GOT1: variants seen among roughly 807,000 people sequenced by gnomAD.
The protein encoded by GOT1 is glutamic-oxaloacetic transaminase 1.
Under a neutral mutation model 48.2 loss-of-function variants are expected in GOT1, and 25 were observed. That is an observed-to-expected ratio of 0.52 (90% CI 0.38 to 0.72). The LOEUF (loss-of-function observed/expected upper bound fraction) is 0.72. Ranked by LOEUF, GOT1 falls within the 30% of genes least tolerant of loss-of-function variation. The pLI is 0.00. For missense variants in GOT1, 380 were observed against 520.1 expected (o/e 0.73, Z 2.62); for synonymous variants, 188 against 193.8 (o/e 0.97, Z 0.25).
intron 2 of GOT1, among the ~76,000 whole-genome samples, chr10:99,408,455 G>A (rs1564970753): frequency 2.0e-5 from 3 of 152,198 alleles, no homozygotes; most frequent in African/African-American, 4.8e-5. Context: ...AGTGGCTCAC[G>A]CCTGTAATCC....
chr10:99,407,542 C>T (rs894151675), intron 2 of GOT1, among the ~76,000 whole-genome samples: 34 of 151,914 alleles, frequency 2.2e-4, no homozygotes, highest in Admixed American at 6.5e-4. Context: ...AAGTGATTCT[C>T]CTGCCTCAGC....
intron 3 of GOT1, 102 bp downstream of exon 3, chr10:99,406,624 T>C: frequency 1.7e-6 from 2 of 1,168,604 alleles, no homozygotes; most frequent in Non-Finnish European, 2.5e-6. Flanking sequence ...CAACAGTCAG[T>C]TGTTCTAGGG....
intron 2 of GOT1, among the ~76,000 whole-genome samples, chr10:99,419,373 T>A (rs913964496): frequency 6.6e-6 from 1 of 152,200 alleles, no homozygotes; most frequent in South Asian, 2.1e-4. Context: ...GTAACTCCTC[T>A]GCTCCAACCT....
Position 99,402,561 on chromosome 10 carries a change from G to A in GOT1, c.1102+19C>T. 1.2e-6 allele frequency: 2 copies of A among 1,613,822 alleles called. No individual in the cohort carries two copies. Among genetic ancestry groups the A allele is most frequent in the South Asian group, 1.1e-5 (1 of 91,070 alleles). Reference sequence around the variant, plus strand: ...TGTCTACATGCACGCATGGGCTGGAGGTGGTGGGGGCCACTTACGGTTCAA... The same window carrying A: ...TGTCTACATGCACGCATGGGCTGGAAGTGGTGGGGGCCACTTACGGTTCAA... On this transcript the variant is annotated intron_variant, in intron 8 of 8. Coordinates refer to ENST00000370508, the MANE Select transcript of GOT1 (RefSeq NM_002079.3).
In GOT1 at chr10:99,403,647, A is replaced by T; in HGVS notation, c.794-13T>A. On this transcript the variant is annotated splice_polypyrimidine_tract_variant and intron_variant, in intron 6 of 8. Coordinates refer to ENST00000370508, the MANE Select transcript of GOT1 (RefSeq NM_002079.3). ...CCGACTCTCTCATCTAAAGAGAGGG[A>T]CCAGAATCAGCTGTGGCTGCTGAAG... 1 of 1,614,002 alleles carries T rather than the reference A, an allele frequency of 6.2e-7. No individual in the cohort carries two copies. The highest frequency in any genetic ancestry group is 8.5e-7 in the Non-Finnish European group (1 of 1,179,862).
In GOT1 at chr10:99,409,118, G is replaced by GT. The variant is rs1230553613; in HGVS notation, c.301-2270dup. Among the ~76,000 whole-genome samples, 11 of 149,426 alleles carry GT rather than the reference G, an allele frequency of 7.4e-5. No individual in the cohort carries two copies. In the East Asian group the frequency reaches 2.1e-3, roughly 29 times the overall value. On this transcript the variant is annotated intron_variant, in intron 2 of 8. Transcript: ENST00000370508. Reference sequence around the variant, plus strand: ...ATTTGAAATGTTCCATAATAAAAAGGTTTTTTTTGTGTTTTTTTTTTGTTT... The same window carrying GT: ...ATTTGAAATGTTCCATAATAAAAAGGTTTTTTTTTGTGTTTTTTTTTTGTTT...
chr10:99,419,004 T>A (rs1260405206), intron 2 of GOT1, among the ~76,000 whole-genome samples: 1 of 152,244 alleles, frequency 6.6e-6, no homozygotes, highest in African/African-American at 2.4e-5. Context: ...TGCCTAATCA[T>A]GGACCTGAGT....
Position 99,411,473 on chromosome 10 carries a change from A to T in GOT1, c.301-4624T>A, listed in dbSNP as rs76080056. On this transcript the variant is annotated intron_variant, in intron 2 of 8. Coordinates refer to ENST00000370508, the MANE Select transcript of GOT1 (RefSeq NM_002079.3). ...TTACTGTTGGTTTACTTGTTCACTCATTCTTTCATTTATGTCTCGTCTTTA... is the reference window on the plus strand; with the variant it reads ...TTACTGTTGGTTTACTTGTTCACTCTTTCTTTCATTTATGTCTCGTCTTTA... Among the ~76,000 whole-genome samples the T allele has an allele frequency of 4.9e-3, 746 of 152,338 alleles. 9 individuals are homozygous for T. Among genetic ancestry groups the T allele is most frequent in the African/African-American group, 0.017 (719 of 41,574 alleles).
At chr10:99,426,582 G>A (rs928190780) in intron 1 of GOT1, among the ~76,000 whole-genome samples, 4 of 152,186 alleles carry the variant, frequency 2.6e-5, no homozygotes, top group African/African-American at 9.7e-5. Flanking sequence ...AAAATGGACT[G>A]GAGTCTTTGA....
intron 1 of GOT1, among the ~76,000 whole-genome samples, chr10:99,429,390 A>G (rs1471325991): frequency 6.6e-6 from 1 of 151,334 alleles, no homozygotes; most frequent in Non-Finnish European, 1.5e-5. Context: ...GCACAGACAA[A>G]ACGTTATCTA....
chr10:99,405,240 C>A (rs2032739228), intron 5 of GOT1, among the ~76,000 whole-genome samples: 1 of 152,062 alleles, frequency 6.6e-6, no homozygotes, highest in African/African-American at 2.4e-5. Context: ...TAGGAATTCC[C>A]ACCTAGAAAG....
At chr10:99,414,014 A>G (rs1484253930) in intron 2 of GOT1, among the ~76,000 whole-genome samples, 1 of 152,232 alleles carries the variant, frequency 6.6e-6, no homozygotes, top group Non-Finnish European at 1.5e-5. Context: ...CATCGAGGCT[A>G]GGAAGAAACT....
intron 2 of GOT1, among the ~76,000 whole-genome samples, chr10:99,417,508 G>A (rs2032911199): frequency 1.3e-5 from 2 of 152,188 alleles, no homozygotes; most frequent in African/African-American, 2.4e-5. Context: ...CAACCGTTGT[G>A]GAAGATAGTG....
chr10:99,400,685 A>G (rs964581005), intron 8 of GOT1, among the ~76,000 whole-genome samples: 19 of 152,228 alleles, frequency 1.2e-4, no homozygotes, highest in African/African-American at 4.3e-4. Context: ...TCACGCCTGT[A>G]ATCCCAGCAC....
chr10:99,428,048 C>T (rs1335701789), intron 1 of GOT1, among the ~76,000 whole-genome samples: 1 of 152,182 alleles, frequency 6.6e-6, no homozygotes, highest in African/African-American at 2.4e-5. Context: ...ATTCTGAGTC[C>T]ATTGCTTCTG....
At chr10:99,419,544 C>T (rs1039067879) in intron 2 of GOT1, among the ~76,000 whole-genome samples, 1 of 152,096 alleles carries the variant, frequency 6.6e-6, no homozygotes, top group Non-Finnish European at 1.5e-5. Flanking sequence ...CTTCCTCTTG[C>T]CCCTCTTCCA....
In GOT1 at chr10:99,430,221, C is replaced by G. The variant is rs779080282; in HGVS notation, c.118+227G>C. On this transcript the variant is annotated intron_variant, in intron 1 of 8. Coordinates refer to ENST00000370508, the MANE Select transcript of GOT1 (RefSeq NM_002079.3). ...CTGAGTTTGTGTCTTGGCTGCTACACCTGGTTTGTGCGGCCTCGGACACAT... is the reference window on the plus strand; with the variant it reads ...CTGAGTTTGTGTCTTGGCTGCTACAGCTGGTTTGTGCGGCCTCGGACACAT... 1.4e-3 allele frequency: 1,847 copies of G among 1,287,388 alleles called. 2 individuals carry two copies. The highest frequency in any genetic ancestry group is 1.8e-3 in the Non-Finnish European group (1,672 of 928,074). 79.7% of individuals were successfully genotyped at this position (1,287,388 alleles called of 1,614,324 possible).
At chr10:99,410,289 A>G (rs1307372578) in intron 2 of GOT1, among the ~76,000 whole-genome samples, 7 of 152,224 alleles carry the variant, frequency 4.6e-5, no homozygotes, top group Non-Finnish European at 1.0e-4. Flanking sequence ...TTCACATTGC[A>G]GATACCTAAG....
In GOT1 at chr10:99,403,714, G is replaced by A; in HGVS notation, c.793+10C>T. ...GAGGTGGGGCTGTAACTCCTCAGGA[G>A]AGCACTCACTGTAGAGCCCGAAGTT... On this transcript the variant is annotated intron_variant, in intron 6 of 8. Coordinates refer to ENST00000370508, the MANE Select transcript of GOT1 (RefSeq NM_002079.3). 1 of 1,614,146 alleles carries A rather than the reference G, an allele frequency of 6.2e-7. No homozygotes were observed. Among genetic ancestry groups the A allele is most frequent in the South Asian group, 1.1e-5 (1 of 91,078 alleles).
Sources: allele counts gnomAD v4.1 joint callset (sites outside exome capture counted in the v4.1 genomes callset), GRCh38; gene constraint gnomAD v4.1.1; transcripts MANE v1.5; gene names NCBI Gene and HGNC (gene_info 2026-07-23, HGNC 2026-07-21).